ABCC5: variants seen among roughly 807,000 people sequenced by gnomAD.
ABCC5 encodes the protein ATP binding cassette subfamily C member 5, also known as ATP-binding cassette sub-family C member 5.
ABCC5 carries 61 observed loss-of-function variants against 160.9 expected under a neutral mutation model. The ratio of observed to expected loss-of-function variants is 0.38; its 90% CI spans 0.31 to 0.47. ABCC5 has a LOEUF of 0.47. ABCC5 is among the 20% of genes least tolerant of loss of function. The pLI, the probability that ABCC5 is intolerant of heterozygous loss-of-function variation, is 0.99. For synonymous variants in ABCC5, 666 were observed against 700.6 expected (o/e 0.95, Z 0.78); for missense variants, 1,308 against 1,813.3 (o/e 0.72, Z 5.06).
At chr3:183,935,187 GCTT>G (rs978621451) in intron 26 of ABCC5, among the ~76,000 whole-genome samples, 1 of 151,138 alleles carries the variant, frequency 6.6e-6, no homozygotes, top group Admixed American at 6.6e-5. Context: ...CCAAGCAATG[GCTT>G]CTTTTTTTGA....
chr3:183,987,180 G>C lies in ABCC5; in HGVS notation c.591+590C>G, dbSNP rs1006745337. On this transcript the variant is annotated intron_variant, in intron 5 of 29. Coordinates refer to ENST00000334444, the MANE Select transcript of ABCC5 (RefSeq NM_005688.4). The surrounding 1 kb of genome is among the most constrained non-coding windows in gnomAD (Gnocchi z 4.2). ...CAGGTGCCCAGGAAACAGAGTGAACGTCAAAGGCTCTCTTGTCTACTCTGC... is the reference window on the plus strand; with the variant it reads ...CAGGTGCCCAGGAAACAGAGTGAACCTCAAAGGCTCTCTTGTCTACTCTGC... The C allele has an allele frequency of 1.2e-5, 2 of 162,172 alleles. No individual in the cohort carries two copies. The highest frequency in any genetic ancestry group is 3.6e-4 in the East Asian group (2 of 5,594). The allele number at this position is 162,172 out of a possible 1,614,324, so 10.0% of individuals were successfully genotyped here.
Position 183,987,323 on chromosome 3 carries a change from G to C in ABCC5, c.591+447C>G. ...CTCTAAAATCCTCGACAGTCCTCTA[G>C]TTTTCTCAGGGCTTATTTGCCACAG... On this transcript the variant is annotated intron_variant, in intron 5 of 29. Coordinates refer to ENST00000334444, the MANE Select transcript of ABCC5 (RefSeq NM_005688.4). This position sits in a 1 kb window ranked among gnomAD's most constrained non-coding sequence, Gnocchi z 4.2. 3.0e-6 allele frequency: 1 copy of C among 329,586 alleles called. No individual in the cohort carries two copies. The highest frequency in any genetic ancestry group is 5.9e-5 in the East Asian group (1 of 16,940). 20.4% of individuals were successfully genotyped at this position (329,586 alleles called of 1,614,324 possible). A position where few individuals can be genotyped will look rare whatever the true frequency, so the allele number is the denominator to read the frequency against.
intron 2 of ABCC5, among the ~76,000 whole-genome samples, chr3:184,001,849 A>C (rs1374593445): frequency 6.6e-6 from 1 of 152,206 alleles, no homozygotes; most frequent in Non-Finnish European, 1.5e-5. Context: ...ATTTCTCTTA[A>C]GGAGCACAGC....
chr3:183,925,838 T>TTA, intron 28 of ABCC5, 119 bp from the exon 29 acceptor site: 6 of 1,088,488 alleles, frequency 5.5e-6, no homozygotes, highest in African/African-American at 1.8e-5. Context: ...TTTCTTTTCT[T>TTA]TCTTTTTTTT....
At chr3:183,942,611 G>T in intron 25 of ABCC5, 116 bp downstream of exon 25, 1 of 1,330,410 alleles carries the variant, frequency 7.5e-7, no homozygotes, top group South Asian at 1.3e-5. Context: ...TTCAGTAGGG[G>T]GCTGAGACAC....
intron 17 of ABCC5, among the ~76,000 whole-genome samples, chr3:183,956,703 T>C (rs75388405): frequency 3.4e-5 from 2 of 59,386 alleles, no homozygotes; most frequent in Admixed American, 1.6e-4. Flanking sequence ...TCCGTGTGTA[T>C]ATCATATAGG....
intron 15 of ABCC5, 90 bp from the exon 16 acceptor site, chr3:183,961,744 A>G (rs6443924): frequency 0.57 from 849,664 of 1,482,902 alleles, 248,145 homozygotes; most frequent in East Asian, 0.86. Flanking sequence ...TCTACAGGAG[A>G]CGAGTTAAGC....
intron 26 of ABCC5, among the ~76,000 whole-genome samples, chr3:183,936,213 C>G (rs1266132288): frequency 6.6e-6 from 1 of 152,138 alleles, no homozygotes; most frequent in Non-Finnish European, 1.5e-5. Context: ...GAGGACAGAA[C>G]AAGACAACCA....
chr3:183,956,671 T>A (rs74964466), intron 17 of ABCC5, among the ~76,000 whole-genome samples: 24 of 109,262 alleles, frequency 2.2e-4, no homozygotes, highest in Admixed American at 4.6e-4. Flanking sequence ...TCCGTGTGTA[T>A]ATCATATAGG....
chr3:183,951,415 T>C lies in ABCC5; in HGVS notation c.2944+26A>G, dbSNP rs1268193996. ...TGGAAGCACAGTGAGCTCCAGAGTA[T>C]TAAAAAAAGGCTCAGTGAGAAATAC... On this transcript the variant is annotated intron_variant, in intron 20 of 29. Transcript: ENST00000334444. The surrounding 1 kb of genome is among the most constrained non-coding windows in gnomAD (Gnocchi z 4.7). 7 of 1,612,556 alleles carry C rather than the reference T, an allele frequency of 4.3e-6. No homozygotes were observed. In the Admixed American group the frequency reaches 1.2e-4, roughly 27 times the overall value.
chr3:183,958,104 G>T (rs573062883), intron 17 of ABCC5, among the ~76,000 whole-genome samples: 2 of 152,248 alleles, frequency 1.3e-5, no homozygotes, highest in East Asian at 3.9e-4. Flanking sequence ...ATGCTTATCC[G>T]TGTGTATATC....
chr3:183,948,325 G>A (rs1388430650), intron 22 of ABCC5, among the ~76,000 whole-genome samples: 2 of 144,972 alleles, frequency 1.4e-5, no homozygotes, highest in East Asian at 4.8e-4. Context: ...TAAAACCAGA[G>A]TTGATATTCC....
At chr3:183,941,417 G>C (rs1283951820) in intron 25 of ABCC5, among the ~76,000 whole-genome samples, 1 of 152,022 alleles carries the variant, frequency 6.6e-6, no homozygotes, top group Non-Finnish European at 1.5e-5. Flanking sequence ...GCAATGTCTT[G>C]TTTTGACGTG....
chr3:183,967,973 C>T (rs1302041293), intron 11 of ABCC5, among the ~76,000 whole-genome samples: 3 of 152,144 alleles, frequency 2.0e-5, no homozygotes, highest in Non-Finnish European at 2.9e-5. Context: ...GAATGGAAGC[C>T]CTTTGGGGAA....
rs938587509 is a variant in ABCC5, at chr3:183,984,317, G to C, written c.592-1310C>G. The stretch of plus-strand genomic sequence containing the variant: ...AAACAAAAAACCACAACAAAAGAAA[G>C]CCAAACCAATCCCCCACCCTAAAGG... On this transcript the variant is annotated intron_variant, in intron 5 of 29. Coordinates refer to ENST00000334444, the MANE Select transcript of ABCC5 (RefSeq NM_005688.4). 1.2e-4 allele frequency: 115 copies of C among 985,748 alleles called. No individual in the cohort carries two copies. In the African/African-American group the frequency reaches 1.9e-3, roughly 16 times the overall value. The allele number at this position is 985,748 out of a possible 1,614,324, so 61.1% of individuals were successfully genotyped here. A position where few individuals can be genotyped will look rare whatever the true frequency, so the allele number is the denominator to read the frequency against.
chr3:183,985,127 A>C, intron 5 of ABCC5: 1 of 688,084 alleles, frequency 1.5e-6, no homozygotes, highest in Non-Finnish European at 2.4e-6. Flanking sequence ...GACATTTCAA[A>C]CCATTTTTTA....
chr3:183,969,760 T>C (rs891902418), intron 11 of ABCC5, among the ~76,000 whole-genome samples: 1 of 151,044 alleles, frequency 6.6e-6, no homozygotes, highest in African/African-American at 2.4e-5. Flanking sequence ...ATGACACTCA[T>C]AGTTTCAAGT....
At chr3:183,977,729 C>A (rs189496865) in intron 9 of ABCC5, 105 bp from the exon 10 acceptor site, 3 of 720,258 alleles carry the variant, frequency 4.2e-6, no homozygotes, top group Admixed American at 2.7e-5. Context: ...TGCAACTTCA[C>A]GGTCAGCTGT....
chr3:183,984,389 C>CT, intron 5 of ABCC5: 1 of 990,536 alleles, frequency 1.0e-6, no homozygotes, highest in Non-Finnish European at 1.2e-6. Flanking sequence ...ACCCAGGTGC[C>CT]TTATAGCAAA....
Sources: allele counts gnomAD v4.1 joint callset (sites outside exome capture counted in the v4.1 genomes callset), GRCh38; gene constraint gnomAD v4.1.1; non-coding constraint Gnocchi (gnomAD v3.1); transcripts MANE v1.5; gene names NCBI Gene and HGNC (gene_info 2026-07-23, HGNC 2026-07-21).